TAF3: variants seen among roughly 807,000 people sequenced by gnomAD.
TAF3 encodes transcription initiation factor TFIID subunit 3.
A neutral mutation model predicts 80.6 loss-of-function variants in TAF3; 7 were observed. The ratio of observed to expected loss-of-function variants is 0.09; its 90% CI spans 0.05 to 0.16. The LOEUF (loss-of-function observed/expected upper bound fraction) is 0.16. Among genes scored for constraint, TAF3 ranks in the 10% least tolerant of loss-of-function variants. The pLI, the probability that TAF3 is intolerant of heterozygous loss-of-function variation, is 1.00. For synonymous variants in TAF3, 444 were observed against 446.1 expected (o/e 1.00, Z 0.06); for missense variants, 921 against 1,140.2 (o/e 0.81, Z 2.77).
chr10:7,957,439 A>ACC (rs1838146583), intron 2 of TAF3, among the ~76,000 whole-genome samples: 2 of 152,130 alleles, frequency 1.3e-5, no homozygotes, highest in Non-Finnish European at 2.9e-5. Flanking sequence ...TACAAGGTTA[A>ACC]CTTTCCAAGG....
At chr10:7,856,382 A>G (rs1837080186) in intron 2 of TAF3, among the ~76,000 whole-genome samples, 1 of 152,192 alleles carries the variant, frequency 6.6e-6, no homozygotes, top group African/African-American at 2.4e-5. Context: ...CGGGAGGCCG[A>G]GGCAGGAGAA....
chr10:7,932,230 A>G (rs144165628), intron 2 of TAF3, among the ~76,000 whole-genome samples: 267 of 152,274 alleles, frequency 1.8e-3, no homozygotes, highest in African/African-American at 6.0e-3. Context: ...TATTATAAGG[A>G]ATGACCTGTG....
At chr10:7,936,132 A>C (rs188858049) in intron 2 of TAF3, among the ~76,000 whole-genome samples, 3 of 152,292 alleles carry the variant, frequency 2.0e-5, no homozygotes, top group Admixed American at 6.5e-5. Context: ...ACGTGAACCC[A>C]GGGGACAACA....
chr10:7,881,402 G>A (rs573366798), intron 2 of TAF3, among the ~76,000 whole-genome samples: 10 of 151,974 alleles, frequency 6.6e-5, no homozygotes, highest in African/African-American at 2.4e-4. Flanking sequence ...CAAGTCAGCA[G>A]TATACGAAAA....
chr10:7,978,077 A>G (rs981695676), intron 4 of TAF3, among the ~76,000 whole-genome samples: 10 of 152,124 alleles, frequency 6.6e-5, no homozygotes, highest in African/African-American at 2.2e-4. Flanking sequence ...TTCTAAAAGC[A>G]TATTATGCAT....
At chr10:7,917,386 C>G (rs1024374615) in intron 2 of TAF3, among the ~76,000 whole-genome samples, 1 of 152,194 alleles carries the variant, frequency 6.6e-6, no homozygotes, top group African/African-American at 2.4e-5. Flanking sequence ...TGCTGTCACA[C>G]AGAAACCAGC....
At chr10:7,901,695 T>G (rs1016744528) in intron 2 of TAF3, among the ~76,000 whole-genome samples, 1 of 152,240 alleles carries the variant, frequency 6.6e-6, no homozygotes, top group Non-Finnish European at 1.5e-5. Context: ...TAAAATGTGT[T>G]GGGAATACCC....
intron 2 of TAF3, among the ~76,000 whole-genome samples, chr10:7,868,898 A>G (rs1837239938): frequency 6.6e-6 from 1 of 152,186 alleles, no homozygotes. Context: ...CTAAGATCAC[A>G]GAGCTAGGAA....
chr10:7,910,896 G>C (rs550509848), intron 2 of TAF3, among the ~76,000 whole-genome samples: 1 of 152,270 alleles, frequency 6.6e-6, no homozygotes, highest in Non-Finnish European at 1.5e-5. Flanking sequence ...CTTAAGTTGT[G>C]AAATAAGAAC....
intron 2 of TAF3, among the ~76,000 whole-genome samples, chr10:7,829,540 A>G (rs1260545509): frequency 6.6e-6 from 1 of 152,088 alleles, no homozygotes; most frequent in Non-Finnish European, 1.5e-5. Context: ...ATGCCCCTCT[A>G]GTGGAATTTT....
chr10:7,917,333 C>T (rs1837720611), intron 2 of TAF3, among the ~76,000 whole-genome samples: 1 of 152,286 alleles, frequency 6.6e-6, no homozygotes, highest in Middle Eastern at 3.4e-3. Context: ...ACATGGATAG[C>T]TCAGGTGAAA....
chr10:7,833,287 T>C (rs1836820044), intron 2 of TAF3, among the ~76,000 whole-genome samples: 1 of 152,200 alleles, frequency 6.6e-6, no homozygotes, highest in Admixed American at 6.5e-5. Flanking sequence ...TCCACATAGT[T>C]TTCCATGACT....
Position 8,009,651 on chromosome 10 carries a change from C to T in TAF3, c.2568+321C>T, listed in dbSNP as rs1333636441. Among the ~76,000 whole-genome samples, 8 of 149,298 alleles carry T rather than the reference C, an allele frequency of 5.4e-5. No homozygotes were observed. Among genetic ancestry groups the T allele is most frequent in the African/African-American group, 7.4e-5 (3 of 40,402 alleles). On this transcript the variant is annotated intron_variant, in intron 5 of 6. Transcript: ENST00000344293. This position sits in a 1 kb window ranked among gnomAD's most constrained non-coding sequence, Gnocchi z 4.1. ...CTTTTTTTTTTTTGAGACAGAGTTT[C>T]GCTCTTATTGCCCAACCTGGAATGC...
chr10:7,996,106 G>A (rs1831884722), intron 4 of TAF3, among the ~76,000 whole-genome samples: 1 of 152,160 alleles, frequency 6.6e-6, no homozygotes, highest in Non-Finnish European at 1.5e-5. Flanking sequence ...AATTGACCCT[G>A]AAACTTAGTG....
chr10:7,888,417 A>G (rs1042848650), intron 2 of TAF3, among the ~76,000 whole-genome samples: 8 of 152,114 alleles, frequency 5.3e-5, no homozygotes, highest in African/African-American at 1.9e-4. Flanking sequence ...GAATATTTTG[A>G]TACATTAATT....
intron 1 of TAF3, among the ~76,000 whole-genome samples, chr10:7,821,270 C>A (rs1186868091): frequency 1.3e-5 from 2 of 151,788 alleles, no homozygotes; most frequent in Non-Finnish European, 2.9e-5. Flanking sequence ...TTTTTAGATT[C>A]TTTTTTCTAT....
intron 2 of TAF3, among the ~76,000 whole-genome samples, chr10:7,904,014 C>T (rs1213200963): frequency 2.6e-5 from 4 of 151,964 alleles, no homozygotes; most frequent in African/African-American, 7.3e-5. Context: ...TTTCACGGTG[C>T]GTCTGAGTTG....
intron 2 of TAF3, among the ~76,000 whole-genome samples, chr10:7,884,084 C>A (rs1477914416): frequency 6.6e-6 from 1 of 152,158 alleles, no homozygotes; most frequent in Non-Finnish European, 1.5e-5. Flanking sequence ...CCCTCATGAC[C>A]CAGTCACTTG....
chr10:7,896,153 C>T (rs916771535), intron 2 of TAF3, among the ~76,000 whole-genome samples: 4 of 152,144 alleles, frequency 2.6e-5, no homozygotes, highest in African/African-American at 9.7e-5. Context: ...ATATTGGAAC[C>T]TTGTTCTATT....
Sources: gnomAD v4.1 joint callset for allele counts (sites outside exome capture counted in the v4.1 genomes callset) on GRCh38, gnomAD v4.1.1 for gene constraint, Gnocchi (gnomAD v3.1) non-coding constraint, MANE v1.5 for transcripts, NCBI Gene and HGNC (gene_info 2026-07-23, HGNC 2026-07-21) for gene names.